The following ARIH2 variants were observed in gnomAD, a reference collection of about 807,000 sequenced individuals.
ARIH2 encodes ariadne RBR E3 ubiquitin protein ligase 2.
In ARIH2, 12 loss-of-function variants were observed where a neutral mutation model predicts 79.8. The ratio of observed to expected loss-of-function variants is 0.15; its 90% CI spans 0.10 to 0.24. ARIH2 has a LOEUF of 0.24. ARIH2 is among the 10% of genes least tolerant of loss of function. The pLI, the probability that ARIH2 is intolerant of heterozygous loss-of-function variation, is 1.00. For missense variants in ARIH2, 301 were observed against 618.3 expected (o/e 0.49, Z 5.44); for synonymous variants, 224 against 213.9 (o/e 1.05, Z -0.41).
rs767856740 is a variant in ARIH2 at position 48,970,696 on chromosome 3, G to A, written c.762G>A (p.Glu254=). ...ARRVQCNRCN[E]VFCFKCRQMY... is the part of the protein sequence containing the mutation. Reference sequence around the variant, plus strand: ...GAGTACAGTGCAATCGGTGCAACGAGGTCTTCTGGTAAGAGTGAGTGTGAG... The same window carrying A: ...GAGTACAGTGCAATCGGTGCAACGAAGTCTTCTGGTAAGAGTGAGTGTGAG... Residue 254 remains glutamate, a synonymous_variant, in exon 8 of 16, where the codon GAG becomes GAA. Transcript: ENST00000356401. 2 of 1,613,510 alleles carry A rather than the reference G, an allele frequency of 1.2e-6. No homozygotes were observed. Among genetic ancestry groups the A allele is most frequent in the Non-Finnish European group, 1.7e-6 (2 of 1,179,486 alleles).
intron 4 of ARIH2, among the ~76,000 whole-genome samples, chr3:48,963,921 G>A (rs933389995): frequency 2.6e-5 from 4 of 152,060 alleles, no homozygotes; most frequent in African/African-American, 4.8e-5. Context: ...TATTCCAAAT[G>A]GATCCTTCCC....
rs752606580 is a variant in ARIH2, at chr3:48,975,566, CT to C, written c.961+601del. On this transcript the variant is annotated intron_variant, in intron 11 of 15. Coordinates refer to ENST00000356401, the MANE Select transcript of ARIH2 (RefSeq NM_006321.4). ...GCTCAACAGGAGCCCCTGACAGTTTCTTTTTTTTTTTTTTGGGAGAAGGAGT... is the reference window on the plus strand; with the variant it reads ...GCTCAACAGGAGCCCCTGACAGTTTCTTTTTTTTTTTTTGGGAGAAGGAGT... Among the ~76,000 whole-genome samples the C allele has an allele frequency of 6.3e-3, 898 of 142,320 alleles. 1 individual carries two copies. Among genetic ancestry groups the C allele is most frequent in the Non-Finnish European group, 6.2e-3 (400 of 64,734 alleles). 93.4% of individuals were successfully genotyped at this position (142,320 alleles called of 152,430 possible).
chr3:48,957,280 G>A (rs1189133075), intron 3 of ARIH2, among the ~76,000 whole-genome samples: 3 of 152,216 alleles, frequency 2.0e-5, no homozygotes, highest in African/African-American at 7.2e-5. Flanking sequence ...GTGGCTGTTG[G>A]TGCTGTTGAA....
At chr3:48,964,082 G>T (rs2091541495) in intron 4 of ARIH2, among the ~76,000 whole-genome samples, 1 of 151,798 alleles carries the variant, frequency 6.6e-6, no homozygotes, top group Admixed American at 6.6e-5. Flanking sequence ...CCAGGCTGGA[G>T]TGCAGTAGTG....
Position 48,954,572 on chromosome 3 carries a change from C to A in ARIH2, c.256-7040C>A, listed in dbSNP as rs556986724. On this transcript the variant is annotated intron_variant, in intron 3 of 15. Coordinates refer to ENST00000356401, the MANE Select transcript of ARIH2 (RefSeq NM_006321.4). ...GATTACAGGCTTGAGCCACCACACC[C>A]AGCCTGTAAGTATTCTTTACTCATG... 4.3e-4 allele frequency among the ~76,000 whole-genome samples: 65 copies of A among 152,312 alleles called. 1 individual carries two copies. Among genetic ancestry groups the A allele is most frequent in the Middle Eastern group, 6.8e-3 (2 of 294 alleles).
intron 12 of ARIH2, 121 bp from the exon 13 acceptor site, chr3:48,980,232 G>T: frequency 1.0e-6 from 1 of 1,003,616 alleles, no homozygotes; most frequent in South Asian, 1.6e-5. Context: ...GCACTTTGGG[G>T]AATAAGTTAG....
chr3:48,927,937 A>C (rs974024944), intron 3 of ARIH2, 124 bp downstream of exon 3: 21 of 1,171,532 alleles, frequency 1.8e-5, no homozygotes, highest in Non-Finnish European at 2.4e-5. Flanking sequence ...ATTTAAGTGT[A>C]TGTCAACATC....
intron 6 of ARIH2, chr3:48,968,296 C>T (rs1253778180): frequency 6.2e-6 from 2 of 323,416 alleles, no homozygotes; most frequent in Non-Finnish European, 1.2e-5. Flanking sequence ...CAAGCTCCGC[C>T]TCCCGGGTTC....
At chr3:48,952,669 A>G (rs1299390643) in intron 3 of ARIH2, among the ~76,000 whole-genome samples, 1 of 152,128 alleles carries the variant, frequency 6.6e-6, no homozygotes, top group Non-Finnish European at 1.5e-5. Context: ...AAAGGCCAAC[A>G]GTCCTACCTT....
At chr3:48,971,687 G>T (rs2092247267) in intron 8 of ARIH2, among the ~76,000 whole-genome samples, 1 of 152,202 alleles carries the variant, frequency 6.6e-6, no homozygotes, top group Non-Finnish European at 1.5e-5. Context: ...TGGAAAATGT[G>T]ATGTGTGTGT....
Position 48,967,262 on chromosome 3 carries a change from C to T in ARIH2, c.525C>T (p.Asp175=), listed in dbSNP as rs746385013. The T allele has an allele frequency of 3.9e-5, 63 of 1,613,848 alleles. 1 individual carries two copies. The East Asian group carries it at 7.4e-4, about 19-fold the overall frequency. Residue 175 remains aspartate, a synonymous_variant, in exon 6 of 16, where the codon GAC becomes GAT. Coordinates refer to ENST00000356401, the MANE Select transcript of ARIH2 (RefSeq NM_006321.4). Reference sequence around the variant, plus strand: ...AGCACTGCTCAGTTCTCGTCAAGGACGGCGTGGGCGTGGGTGAGTCTGCCA... The same window carrying T: ...AGCACTGCTCAGTTCTCGTCAAGGATGGCGTGGGCGTGGGTGAGTCTGCCA... ...WEQHCSVLVK[D]GVGVGVSCMA... is the part of the protein sequence containing the mutation.
chr3:48,919,850 A>G (rs776860946), intron 1 of ARIH2, among the ~76,000 whole-genome samples: 31 of 152,070 alleles, frequency 2.0e-4, no homozygotes, highest in Admixed American at 1.1e-3. Flanking sequence ...ATTCAGCGCT[A>G]GTGATCATAT....
chr3:48,979,472 T>C lies in ARIH2; in HGVS notation c.962-10T>C. 3 of 1,613,782 alleles carry C rather than the reference T, an allele frequency of 1.9e-6. No homozygotes were observed. The highest frequency in any genetic ancestry group is 2.5e-6 in the Non-Finnish European group (3 of 1,179,776). On this transcript the variant is annotated splice_polypyrimidine_tract_variant and intron_variant, in intron 11 of 15. Transcript: ENST00000356401. ...GTAGATGTAAATGACTCTTCCTCTG[T>C]TCTGCACAGACTTCTGCTGGATGTG...
At chr3:48,973,911 G>C in intron 9 of ARIH2, 95 bp downstream of exon 9, 2 of 947,712 alleles carry the variant, frequency 2.1e-6, no homozygotes, top group Non-Finnish European at 3.4e-6. Flanking sequence ...AGAATACCCA[G>C]AGCCCCAGGA....
In ARIH2 at chr3:48,983,459, G is replaced by A. The variant is rs1261788675; in HGVS notation, c.*189G>A. On this transcript the variant is annotated 3_prime_UTR_variant, in exon 16 of 16. Transcript: ENST00000356401. ...CTTTTCACTTTTTGTTTCTACCAGG[G>A]TAGAGGCCATGTTGAACTGGCCTCT... The A allele has an allele frequency of 3.2e-6, 2 of 617,204 alleles. No individual in the cohort carries two copies. The highest frequency in any genetic ancestry group is 3.7e-5 in the African/African-American group (2 of 54,680). The allele number at this position is 617,204 out of a possible 1,614,324, so 38.2% of individuals were successfully genotyped here.
At chr3:48,968,064 C>A (rs541343542) in intron 6 of ARIH2, 1 of 153,738 alleles carries the variant, frequency 6.5e-6, no homozygotes, top group Admixed American at 6.5e-5. Flanking sequence ...GAGACAGTTT[C>A]GCTCTTGTTG....
intron 2 of ARIH2, among the ~76,000 whole-genome samples, chr3:48,924,020 C>A (rs998491600): frequency 6.6e-6 from 1 of 152,128 alleles, no homozygotes; most frequent in Non-Finnish European, 1.5e-5. Flanking sequence ...GTCCCAGTTA[C>A]TCAGGAGGCT....
intron 11 of ARIH2, among the ~76,000 whole-genome samples, chr3:48,976,481 G>A (rs1011402895): frequency 1.3e-5 from 2 of 152,094 alleles, no homozygotes; most frequent in Admixed American, 1.3e-4. Context: ...AAAGTGCTGG[G>A]ATTACAGGTG....
chr3:48,959,574 C>T (rs1207822645), intron 3 of ARIH2, among the ~76,000 whole-genome samples: 2 of 129,086 alleles, frequency 1.5e-5, no homozygotes, highest in Non-Finnish European at 3.1e-5. Flanking sequence ...GAGGCCGAGG[C>T]GGGCGGATCA....
Sources: gnomAD v4.1 joint callset for allele counts (sites outside exome capture counted in the v4.1 genomes callset) on GRCh38, gnomAD v4.1.1 for gene constraint, MANE v1.5 for transcripts, NCBI Gene and HGNC (gene_info 2026-07-23, HGNC 2026-07-21) for gene names.